Variants in BACH2 observed in about 807,000 individuals in gnomAD.
BACH2 encodes BACH transcriptional regulator 2.
In BACH2, 5 loss-of-function variants were observed where a neutral mutation model predicts 61.8. The observed-to-expected ratio is 0.08, with a 90% confidence interval of 0.04 to 0.17. The LOEUF is 0.17. Among genes scored for constraint, BACH2 ranks in the 10% least tolerant of loss-of-function variants. BACH2 has a pLI of 1.00. For synonymous variants in BACH2, 446 were observed against 440.1 expected, an observed-to-expected ratio of 1.01 and a Z score of -0.17; for missense variants, 824 against 1,091.1, an observed-to-expected ratio of 0.76 and a Z score of 3.45.
chr6:90,272,003 C>T (rs753828190), intron 1 of BACH2, 62 bp from the exon 2 acceptor site: 1 of 152,304 alleles, frequency 6.6e-6, no homozygotes, highest in Non-Finnish European at 1.5e-5. Flanking sequence ...ATCATGCAAC[C>T]AAGTGCTGTT....
rs775887547 is a variant in BACH2, at chr6:89,951,852, C to G, written c.254G>C (p.Arg85Thr). The G allele has an allele frequency of 6.2e-7, 1 of 1,609,942 alleles. No individual in the cohort carries two copies. Among genetic ancestry groups the G allele is most frequent in the Non-Finnish European group, 8.5e-7 (1 of 1,176,580 alleles). Residue 85 changes from arginine (R) to threonine (T), a missense_variant, in exon 7 of 9, where the codon AGG (arginine) becomes ACG (threonine). Physicochemically the swap from Arg to Thr is moderately conservative, Grantham distance 71. This residue lies in a region of BACH2 where 66 missense variants were observed against 144.8 expected (regional missense o/e 0.46). Transcript: ENST00000257749. This position sits in a 1 kb window ranked among gnomAD's most constrained non-coding sequence, Gnocchi z 6.4. ...VVSLPEEVTA[R>T]GFGPLLQFAY... ...AAACTGTAACAGCGGCCCAAAGCCC[C>G]TGGCTGTGACCTGCAAAACAAACAG...
At chr6:90,091,711 T>C (rs1782166412) in intron 4 of BACH2, among the ~76,000 whole-genome samples, 1 of 152,168 alleles carries the variant, frequency 6.6e-6, no homozygotes, top group Admixed American at 6.5e-5. Flanking sequence ...ACTAATACTA[T>C]AAGATGGTTA....
In BACH2 at chr6:90,070,628, C is replaced by T. The variant is rs549734323; in HGVS notation, c.-13+18333G>A. Among the ~76,000 whole-genome samples, 364 of 152,248 alleles carry T rather than the reference C, an allele frequency of 2.4e-3. 2 individuals are homozygous for T. The highest frequency in any genetic ancestry group is 8.3e-3 in the African/African-American group (346 of 41,536). ...GCAGCAGTCTTGTCTACAGCAGCCC[C>T]CAAACATAGCCTAAAAAGACAATGA... On this transcript the variant is annotated intron_variant, in intron 5 of 8. Transcript: ENST00000257749.
At chr6:90,265,263 T>TA (rs1771286862) in intron 2 of BACH2, among the ~76,000 whole-genome samples, 1 of 152,202 alleles carries the variant, frequency 6.6e-6, no homozygotes, top group African/African-American at 2.4e-5. Context: ...CCCTTTTTTA[T>TA]AAAATCCTTC....
chr6:90,239,247 T>G (rs1485694697), intron 3 of BACH2, among the ~76,000 whole-genome samples: 3 of 152,240 alleles, frequency 2.0e-5, no homozygotes, highest in Non-Finnish European at 2.9e-5. Context: ...AAATTAGGGT[T>G]GGCGGATTTA....
rs1480437840 is a variant in BACH2 at position 90,129,022 on chromosome 6, T to TG, written c.-161-39914dup. 5.9e-5 allele frequency among the ~76,000 whole-genome samples: 9 copies of TG among 151,384 alleles called. No homozygotes were observed. In the East Asian group the frequency reaches 1.6e-3, roughly 26 times the overall value. On this transcript the variant is annotated intron_variant, in intron 4 of 8. Coordinates refer to ENST00000257749, the MANE Select transcript of BACH2 (RefSeq NM_021813.4). ...GTGGGAATTGAACAATGAGAACACTTGGACACAGGAAGGGGAACATCACAC... is the reference window on the plus strand; with the variant it reads ...GTGGGAATTGAACAATGAGAACACTTGGGACACAGGAAGGGGAACATCACAC...
chr6:90,276,650 A>G (rs992436463), intron 1 of BACH2, among the ~76,000 whole-genome samples: 10 of 152,186 alleles, frequency 6.6e-5, no homozygotes, highest in Non-Finnish European at 1.3e-4. Flanking sequence ...TTTCAGTAAA[A>G]TTTTGAGAAC....
intron 5 of BACH2, among the ~76,000 whole-genome samples, chr6:90,042,452 G>A (rs1004698865): frequency 4.6e-5 from 7 of 151,424 alleles, no homozygotes; most frequent in African/African-American, 1.7e-4. Context: ...CACTCACCTC[G>A]GCCTCCCAAA....
chr6:90,292,563 C>G (rs1426930979), intron 1 of BACH2, among the ~76,000 whole-genome samples: 1 of 152,228 alleles, frequency 6.6e-6, no homozygotes, highest in East Asian at 1.9e-4. Flanking sequence ...GGAAGCTGAT[C>G]AATCCCTGAG....
At chr6:90,255,380 G>A (rs1368508935) in intron 2 of BACH2, among the ~76,000 whole-genome samples, 2 of 152,192 alleles carry the variant, frequency 1.3e-5, no homozygotes, top group Non-Finnish European at 2.9e-5. Context: ...TTTAAATCTA[G>A]TAGGTGAAAG....
intron 4 of BACH2, among the ~76,000 whole-genome samples, chr6:90,140,722 G>T (rs985672551): frequency 1.3e-5 from 2 of 152,146 alleles, no homozygotes; most frequent in African/African-American, 4.8e-5. Context: ...ATATTCTACA[G>T]CAATAAAATG....
intron 4 of BACH2, among the ~76,000 whole-genome samples, chr6:90,143,513 G>GA: frequency 6.6e-6 from 1 of 152,232 alleles, no homozygotes; most frequent in Non-Finnish European, 1.5e-5. Flanking sequence ...GGAGCAGTAT[G>GA]AAAAAGGCCA....
intron 5 of BACH2, among the ~76,000 whole-genome samples, chr6:90,029,627 A>G (rs59241527): frequency 0.02 from 3,000 of 152,314 alleles, 93 homozygotes; most frequent in African/African-American, 0.069. Flanking sequence ...TTGAAGCCGC[A>G]GAACTTCAAA....
intron 4 of BACH2, among the ~76,000 whole-genome samples, chr6:90,091,139 T>TC (rs1782142284): frequency 6.6e-6 from 1 of 152,192 alleles, no homozygotes; most frequent in Admixed American, 6.6e-5. Flanking sequence ...AAAGATGTAT[T>TC]CAAGCCTAGT....
intron 4 of BACH2, among the ~76,000 whole-genome samples, chr6:90,130,251 A>C (rs148667137): frequency 7.6e-4 from 116 of 152,256 alleles, no homozygotes; most frequent in African/African-American, 2.6e-3. Flanking sequence ...AAGTCGTAAG[A>C]CATCCTCCAA....
At chr6:90,035,446 C>T (rs570617702) in intron 5 of BACH2, among the ~76,000 whole-genome samples, 1 of 152,220 alleles carries the variant, frequency 6.6e-6, no homozygotes, top group South Asian at 2.1e-4. Flanking sequence ...TCTTTCTTCT[C>T]GCTATTTTTA....
chr6:90,206,210 G>A (rs943812425), intron 4 of BACH2, among the ~76,000 whole-genome samples: 19 of 152,248 alleles, frequency 1.2e-4, no homozygotes, highest in African/African-American at 4.3e-4. Context: ...CAAGAAGTCA[G>A]GCCACTTGTC....
At chr6:89,989,572 T>C (rs9451311) in intron 6 of BACH2, among the ~76,000 whole-genome samples, 9,773 of 152,174 alleles carry the variant, frequency 0.064, 883 homozygotes, top group African/African-American at 0.2. Flanking sequence ...TGGAGCATGT[T>C]GGCAGCATGC....
intron 6 of BACH2, among the ~76,000 whole-genome samples, chr6:89,962,521 T>C (rs1402739372): frequency 6.6e-6 from 1 of 152,218 alleles, no homozygotes; most frequent in Admixed American, 6.5e-5. Context: ...GCCTTATTTG[T>C]GGTTCCATAC....
Sources: allele counts gnomAD v4.1 joint callset (sites outside exome capture counted in the v4.1 genomes callset), GRCh38; gene constraint gnomAD v4.1.1; regional missense constraint gnomAD v4.1.1; non-coding constraint Gnocchi (gnomAD v3.1); transcripts MANE v1.5; gene names NCBI Gene and HGNC (gene_info 2026-07-23, HGNC 2026-07-21).